Variants in SLC13A5 observed in about 807,000 individuals in gnomAD.
SLC13A5 encodes solute carrier family 13 member 5.
SLC13A5 carries 25 observed loss-of-function variants against 56.5 expected under a neutral mutation model. That is an observed-to-expected ratio of 0.44 (90% CI 0.32 to 0.62). The LOEUF is 0.62. Among genes scored for constraint, SLC13A5 ranks in the 20% least tolerant of loss-of-function variants. The probability of loss-of-function intolerance (pLI) is 0.04; values close to 1 mark genes in which losing one functional copy is unlikely to be tolerated. For missense variants in SLC13A5, 649 were observed against 737.8 expected (o/e 0.88, Z 1.39); for synonymous variants, 307 against 301.5 (o/e 1.02, Z -0.19).
chr17:6,686,456 CTGG>C, intron 11 of SLC13A5, 118 bp from the exon 12 acceptor site: 1 of 1,358,096 alleles, frequency 7.4e-7, no homozygotes, highest in Non-Finnish European at 1.0e-6. Context: ...CTGTCCCTGG[CTGG>C]GGTGTCCCGA....
At chr17:6,696,231 C>T (rs1022957051) in intron 6 of SLC13A5, among the ~76,000 whole-genome samples, 1 of 152,180 alleles carries the variant, frequency 6.6e-6, no homozygotes, top group African/African-American at 2.4e-5. Context: ...CCATAAGGAG[C>T]TTCGGAGCCT....
chr17:6,696,810 G>A (rs1485607562), intron 6 of SLC13A5, among the ~76,000 whole-genome samples: 1 of 152,158 alleles, frequency 6.6e-6, no homozygotes, highest in Non-Finnish European at 1.5e-5. Flanking sequence ...CCTCCCTCGT[G>A]AGAGCCCTTC....
intron 4 of SLC13A5, among the ~76,000 whole-genome samples, chr17:6,703,523 C>T (rs917706360): frequency 1.3e-5 from 2 of 152,138 alleles, no homozygotes; most frequent in African/African-American, 4.8e-5. Context: ...TTGAGCTGCT[C>T]GAGGAGGTCA....
Position 6,685,362 on chromosome 17 carries a change from A to G in SLC13A5, c.*845T>C, listed in dbSNP as rs1973213282. On this transcript the variant is annotated 3_prime_UTR_variant, in exon 12 of 12. Transcript: ENST00000433363. This position sits in a 1 kb window ranked among gnomAD's most constrained non-coding sequence, Gnocchi z 4.2. ...GGGGATGGCAGGGGAAGCATCTCCC[A>G]GAAAAGATGACCTGCCTGGGAGAAA... 1 of 152,274 alleles carries G rather than the reference A, an allele frequency of 6.6e-6. No homozygotes were observed. The highest frequency in any genetic ancestry group is 2.4e-5 in the African/African-American group (1 of 41,472). The allele number at this position is 152,274 out of a possible 1,614,324, so 9.4% of individuals were successfully genotyped here.
chr17:6,690,416 G>A (rs530831394), intron 10 of SLC13A5, among the ~76,000 whole-genome samples: 1 of 152,320 alleles, frequency 6.6e-6, no homozygotes, highest in South Asian at 2.1e-4. Context: ...CTCCCAGTCT[G>A]CAGTCCTCCT....
At position 6,708,993 on chromosome 17, in the gene SLC13A5, C is replaced by CTTTTTTTTTTTTTTTTT. The variant is rs575087645; in HGVS notation, c.103-1838_103-1837insAAAAAAAAAAAAAAAAA. Reference sequence around the variant, plus strand: ...TTCTTTCTCTCTCGCTCTTTTATTTCTTTTTTTTTTTTTTTGAGACAGGGT... The same window carrying CTTTTTTTTTTTTTTTTT: ...TTCTTTCTCTCTCGCTCTTTTATTTCTTTTTTTTTTTTTTTTTTTTTTTTTTTTTTTTGAGACAGGGT... On this transcript the variant is annotated intron_variant, in intron 1 of 11. Transcript: ENST00000433363. Among the ~76,000 whole-genome samples, 40 of 133,002 alleles carry CTTTTTTTTTTTTTTTTT rather than the reference C, an allele frequency of 3.0e-4. 1 individual carries two copies. Among genetic ancestry groups the CTTTTTTTTTTTTTTTTT allele is most frequent in the Non-Finnish European group, 5.6e-4 (35 of 63,006 alleles). The allele number at this position is 133,002 out of a possible 152,430, so 87.3% of individuals were successfully genotyped here.
chr17:6,706,939 C>T, intron 2 of SLC13A5, 89 bp downstream of exon 2: 1 of 1,583,558 alleles, frequency 6.3e-7, no homozygotes, highest in South Asian at 1.2e-5. Flanking sequence ...TTTCCGGTCA[C>T]CCCCAGGCCT....
chr17:6,703,221 G>A (rs2151494231), intron 4 of SLC13A5, 83 bp from the exon 5 acceptor site: 1 of 1,530,550 alleles, frequency 6.5e-7, no homozygotes, highest in Non-Finnish European at 8.9e-7. Flanking sequence ...CTGCTGACCT[G>A]AGGATTGGGA....
At chr17:6,695,657 C>T in intron 7 of SLC13A5, 69 bp downstream of exon 7, 2 of 1,529,382 alleles carry the variant, frequency 1.3e-6, no homozygotes, top group South Asian at 1.2e-5. Context: ...TCCCAAAGTG[C>T]TGGGATTACA....
intron 6 of SLC13A5, among the ~76,000 whole-genome samples, chr17:6,698,248 C>T (rs568443574): frequency 1.3e-5 from 2 of 152,338 alleles, no homozygotes; most frequent in South Asian, 2.1e-4. Flanking sequence ...CACCCCACCA[C>T]GAGCATGCTC....
At position 6,701,122 on chromosome 17, in the gene SLC13A5, A is replaced by G; in HGVS notation, c.721T>C (p.Phe241Leu). The G allele has an allele frequency of 6.2e-7, 1 of 1,613,966 alleles. No individual in the cohort carries two copies. The highest frequency in any genetic ancestry group is 1.1e-5 in the South Asian group (1 of 91,058). Residue 241 changes from phenylalanine to leucine, a missense_variant, in exon 6 of 12, where the codon TTT becomes CTT. By Grantham distance (22) the Phe-to-Leu change is conservative. Transcript: ENST00000433363. The surrounding 1 kb of genome is among the most constrained non-coding windows in gnomAD (Gnocchi z 4.1). ...TTCACGAGGTCCTTGCTGTCAGGAA[A>G]CAACCTACAAGAAGACACCGGCCCC... The part of the protein sequence containing the change: ...VVLLGQMNEL[F>L]PDSKDLVNFA...
intron 1 of SLC13A5, among the ~76,000 whole-genome samples, chr17:6,710,498 T>C (rs142618234): frequency 6.6e-6 from 1 of 152,172 alleles, no homozygotes; most frequent in Non-Finnish European, 1.5e-5. Context: ...CAATGTACAC[T>C]GTGCGTTCCT....
chr17:6,692,123 A>AGATGGATGGATGGATGGATG lies in SLC13A5; in HGVS notation c.1275+901_1275+920dup, dbSNP rs753711538. 6.9e-6 allele frequency among the ~76,000 whole-genome samples: 1 copy of AGATGGATGGATGGATGGATG among 143,954 alleles called. No individual in the cohort carries two copies. The highest frequency in any genetic ancestry group is 1.5e-5 in the Non-Finnish European group (1 of 66,044). The allele number at this position is 143,954 out of a possible 152,430, so 94.4% of individuals were successfully genotyped here. ...AGGAATGTTGGATGGATGGATGGAT[A>AGATGGATGGATGGATGGATG]GATGGATGGATGGATGGATGGATGG... is the stretch of plus-strand genomic sequence containing the variant. On this transcript the variant is annotated intron_variant, in intron 9 of 11. Coordinates refer to ENST00000433363, the MANE Select transcript of SLC13A5 (RefSeq NM_177550.5). This position sits in a 1 kb window ranked among gnomAD's most constrained non-coding sequence, Gnocchi z 5.5.
At chr17:6,690,096 C>CAAAAAAAAAAAAAA (rs1567614272) in intron 10 of SLC13A5, 1 of 72,160 alleles carries the variant, frequency 1.4e-5, no homozygotes, top group Non-Finnish European at 2.8e-5. Flanking sequence ...AAAAAAAAAA[C>CAAAAAAAAAAAAAA]CATAGCCACT....
intron 3 of SLC13A5, chr17:6,704,353 G>T: frequency 1.9e-6 from 1 of 526,688 alleles, no homozygotes. Context: ...GTTCTAAGGA[G>T]CACCCCTGCC....
At chr17:6,704,808 TCA>T (rs1218558985) in intron 3 of SLC13A5, 1 of 156,440 alleles carries the variant, frequency 6.4e-6, no homozygotes, top group Non-Finnish European at 1.4e-5. Flanking sequence ...GACCACGCTC[TCA>T]GTGTGTGCAC....
intron 5 of SLC13A5, among the ~76,000 whole-genome samples, chr17:6,702,131 C>A (rs565041647): frequency 1.3e-5 from 2 of 152,310 alleles, no homozygotes; most frequent in East Asian, 3.9e-4. Context: ...GTCCTTTCCA[C>A]CTCCCAGCTC....
At position 6,694,192 on chromosome 17, in the gene SLC13A5, A is replaced by C; in HGVS notation, c.1061T>G (p.Val354Gly). Residue 354 changes from valine to glycine, a missense_variant, in exon 8 of 12, where the codon GTC (valine) becomes GGC (glycine). Physicochemically the swap from Val to Gly is moderately radical, Grantham distance 109 (BLOSUM62 -3). Transcript: ENST00000433363. Reference protein sequence around the residue: ...VAWVEGETKYVSDATVAIFVA... With the variant: ...VAWVEGETKYGSDATVAIFVA... ...AAAGATGGCCACAGTGGCATCGGAG[A>C]CATACCTAGGTGGGGAAAAGCACAG... 6.2e-7 allele frequency: 1 copy of C among 1,606,732 alleles called. No homozygotes were observed.
intron 6 of SLC13A5, 98 bp from the exon 7 acceptor site, chr17:6,696,039 A>G: frequency 8.7e-7 from 1 of 1,152,826 alleles, no homozygotes; most frequent in Middle Eastern, 2.6e-4. Flanking sequence ...TGTAGCAAAA[A>G]GACACATAAT....
Sources: gnomAD v4.1 joint callset for allele counts (sites outside exome capture counted in the v4.1 genomes callset) on GRCh38, gnomAD v4.1.1 for gene constraint, Gnocchi (gnomAD v3.1) non-coding constraint, MANE v1.5 for transcripts, NCBI Gene and HGNC (gene_info 2026-07-23, HGNC 2026-07-21) for gene names.